Variants in ZNF723 observed in about 807,000 individuals in gnomAD.
The protein encoded by ZNF723 is zinc finger protein 723.
A neutral mutation model predicts 9.4 loss-of-function variants in ZNF723; 5 were observed. That is an observed-to-expected ratio of 0.53 (90% CI 0.28 to 1.12). The LOEUF (loss-of-function observed/expected upper bound fraction) is 1.12. ZNF723 is among the 50% of genes most tolerant of loss of function. ZNF723 has a pLI of 0.10. For missense variants in ZNF723, 450 were observed against 501.5 expected, an observed-to-expected ratio of 0.90 and a Z score of 0.98; for synonymous variants, 158 against 168.8, an observed-to-expected ratio of 0.94 and a Z score of 0.49.
chr19:22,823,949 A>T, the ZNF723 span, among the ~76,000 whole-genome samples: 20 of 152,356 alleles, frequency 1.3e-4, no homozygotes, highest in South Asian at 6.2e-4. Flanking sequence ...CAATTACATA[A>T]GTTAAATGAG....
the ZNF723 span, among the ~76,000 whole-genome samples, chr19:22,817,782 C>T: frequency 1.1e-4 from 16 of 152,186 alleles, no homozygotes; most frequent in African/African-American, 3.1e-4. Context: ...ATGAATAAAT[C>T]CTTAGGTCTC....
intron 1 of ZNF723, among the ~76,000 whole-genome samples, chr19:22,833,806 A>G (rs1356965334): frequency 6.7e-6 from 1 of 149,830 alleles, no homozygotes; most frequent in African/African-American, 2.5e-5. Flanking sequence ...TGTAGAGACC[A>G]TGTTGGGCAG....
At chr19:22,853,437 T>C (rs1330237224) in intron 3 of ZNF723, among the ~76,000 whole-genome samples, 1 of 152,114 alleles carries the variant, frequency 6.6e-6, no homozygotes, top group Admixed American at 6.5e-5. Flanking sequence ...ATTATTTCAG[T>C]TTTTGAATAG....
At chr19:22,813,123 G>A in the ZNF723 span, among the ~76,000 whole-genome samples, 94 of 152,126 alleles carry the variant, frequency 6.2e-4, no homozygotes, top group East Asian at 6.6e-3. Context: ...ACAGGCACCC[G>A]CCACCATGCC....
chr19:22,846,425 G>A (rs1967310330), intron 1 of ZNF723, among the ~76,000 whole-genome samples: 1 of 152,106 alleles, frequency 6.6e-6, no homozygotes. Flanking sequence ...GAGTTCAAGA[G>A]CAGCCTGGCC....
intron 3 of ZNF723, among the ~76,000 whole-genome samples, chr19:22,854,092 C>G (rs559548439): frequency 5.9e-5 from 9 of 152,158 alleles, no homozygotes; most frequent in African/African-American, 1.4e-4. Context: ...TTATATTGCT[C>G]TCTATGTGTT....
the ZNF723 span, among the ~76,000 whole-genome samples, chr19:22,821,978 T>C: frequency 0.014 from 2,065 of 152,176 alleles, 45 homozygotes; most frequent in African/African-American, 0.047. Context: ...GTTGTGGTGG[T>C]GTGCGTCTGT....
rs1429212425 is a variant in ZNF723, at chr19:22,857,905, G to C, written c.1014G>C (p.Glu338Asp). 6.9e-7 allele frequency: 1 copy of C among 1,442,036 alleles called. No homozygotes were observed. The highest frequency in any genetic ancestry group is 1.4e-5 in the African/African-American group (1 of 71,130). The allele number at this position is 1,442,036 out of a possible 1,614,324, so 89.3% of individuals were successfully genotyped here. A position where few individuals can be genotyped will look rare whatever the true frequency, so the allele number is the denominator to read the frequency against. Residue 338 changes from glutamate (E) to aspartate (D), a missense_variant, in exon 4 of 4, where the codon GAG (glutamate) becomes GAC (aspartate). Transcript: ENST00000600766. Reference sequence around the variant, plus strand: ...CACATAAGAGAATTCATACTGGAGAGAAACTCTACAAATGTGAAGAATGTG... The same window carrying C: ...CACATAAGAGAATTCATACTGGAGACAAACTCTACAAATGTGAAGAATGTG... ...LATHKRIHTG[E>D]KLYKCEECGK...
chr19:22,827,490 C>T (rs1967049767), upstream of ZNF723, among the ~76,000 whole-genome samples: 1 of 151,528 alleles, frequency 6.6e-6, no homozygotes, highest in East Asian at 2.0e-4. Context: ...CTCTGTAGCT[C>T]AGGCTGGAGA....
At chr19:22,821,846 T>C in the ZNF723 span, among the ~76,000 whole-genome samples, 2 of 152,208 alleles carry the variant, frequency 1.3e-5, no homozygotes, top group Non-Finnish European at 1.5e-5. Context: ...CAGTGGCTCA[T>C]GCCTGTAATC....
At chr19:22,816,569 C>T in the ZNF723 span, among the ~76,000 whole-genome samples, 3,784 of 152,328 alleles carry the variant, frequency 0.025, 53 homozygotes, top group East Asian at 0.075. Context: ...TCTGGACCTT[C>T]CTGCAGCTGT....
intron 3 of ZNF723, among the ~76,000 whole-genome samples, chr19:22,852,652 ATTG>A (rs1373663760): frequency 6.6e-6 from 1 of 152,134 alleles, no homozygotes; most frequent in Non-Finnish European, 1.5e-5. Context: ...ATTAGGTATT[ATTG>A]TTCATTTTTA....
chr19:22,844,815 G>A (rs1967287643), intron 1 of ZNF723, among the ~76,000 whole-genome samples: 1 of 152,148 alleles, frequency 6.6e-6, no homozygotes, highest in Non-Finnish European at 1.5e-5. Context: ...GCATTGACAG[G>A]GGACTTAGTT....
the ZNF723 span, among the ~76,000 whole-genome samples, chr19:22,814,224 A>T: frequency 2.0e-5 from 3 of 152,212 alleles, no homozygotes; most frequent in East Asian, 5.8e-4. Context: ...AGATGCACTC[A>T]TAGGTTTATA....
chr19:22,830,358 G>A (rs1967081017), upstream of ZNF723, among the ~76,000 whole-genome samples: 1 of 152,156 alleles, frequency 6.6e-6, no homozygotes, highest in Non-Finnish European at 1.5e-5. Context: ...CATAGACATA[G>A]GATCTTACTA....
At chr19:22,854,282 G>GAT (rs1170666451) in intron 3 of ZNF723, among the ~76,000 whole-genome samples, 5 of 151,932 alleles carry the variant, frequency 3.3e-5, no homozygotes, top group African/African-American at 1.2e-4. Context: ...TTTGACTTCA[G>GAT]ATATAGCTTA....
intron 3 of ZNF723, 105 bp downstream of exon 3, chr19:22,849,398 A>G: frequency 4.3e-6 from 2 of 464,742 alleles, no homozygotes; most frequent in Non-Finnish European, 7.9e-6. Context: ...TCCAAAGAAA[A>G]TAGTTTCAGG....
the ZNF723 span, among the ~76,000 whole-genome samples, chr19:22,821,327 A>T: frequency 1.3e-5 from 2 of 152,230 alleles, no homozygotes; most frequent in Non-Finnish European, 2.9e-5. Context: ...TGGTGCAAGC[A>T]TCTAAGGTAT....
rs1018016139 is a variant in ZNF723 at position 22,851,193 on chromosome 19, A to G, written c.226+1900A>G. On this transcript the variant is annotated intron_variant, in intron 3 of 3. Coordinates refer to ENST00000600766, the MANE Select transcript of ZNF723 (RefSeq NM_001349726.2). ...TTTATTTATTACTATTTTTTTTGAG[A>G]TGGAGTCTTGCTCTGTTGCCTAGGC... Among the ~76,000 whole-genome samples, 12 of 149,932 alleles carry G rather than the reference A, an allele frequency of 8.0e-5. No individual in the cohort carries two copies. In the East Asian group the frequency reaches 2.2e-3, roughly 27 times the overall value.
Sources: gnomAD v4.1 joint callset for allele counts (sites outside exome capture counted in the v4.1 genomes callset) on GRCh38, gnomAD v4.1.1 for gene constraint, MANE v1.5 for transcripts, NCBI Gene and HGNC (gene_info 2026-07-23, HGNC 2026-07-21) for gene names.